CCSER2: variants seen among roughly 807,000 people sequenced by gnomAD.
CCSER2 encodes coiled-coil serine rich protein 2.
Under a neutral mutation model 92.3 loss-of-function variants are expected in CCSER2, and 46 were observed. The ratio of observed to expected loss-of-function variants is 0.50; its 90% CI spans 0.39 to 0.64. The LOEUF (loss-of-function observed/expected upper bound fraction) is 0.64. CCSER2 is among the 30% of genes least tolerant of loss of function. The pLI, the probability that CCSER2 is intolerant of heterozygous loss-of-function variation, is 0.00. For missense variants in CCSER2, 1,244 were observed against 1,238.9 expected, an observed-to-expected ratio of 1.00 and a Z score of -0.06; for synonymous variants, 433 against 431.4, an observed-to-expected ratio of 1.00 and a Z score of -0.04.
chr10:84,423,448 G>C (rs775175040), intron 4 of CCSER2, among the ~76,000 whole-genome samples: 6 of 152,182 alleles, frequency 3.9e-5, no homozygotes, highest in Non-Finnish European at 4.4e-5. Context: ...GAGTCTATAT[G>C]TGGAGCCCAT....
chr10:84,441,618 A>C (rs1005310383), intron 6 of CCSER2, among the ~76,000 whole-genome samples: 5 of 151,562 alleles, frequency 3.3e-5, no homozygotes, highest in Non-Finnish European at 7.4e-5. Context: ...CATTGTGTGG[A>C]TATCAGTGGA....
rs563448325 is a variant in CCSER2, at chr10:84,489,698, G to C, written c.2325+12034G>C. Among the ~76,000 whole-genome samples, 7 of 152,208 alleles carry C rather than the reference G, an allele frequency of 4.6e-5. No individual in the cohort carries two copies. The East Asian group carries it at 9.6e-4, about 21-fold the overall frequency. Reference sequence around the variant, plus strand: ...TGGGTCTTGACTCTTTATCCAATTTGCCAGTCTGTGTCTTTTAATTGGAGC... The same window carrying C: ...TGGGTCTTGACTCTTTATCCAATTTCCCAGTCTGTGTCTTTTAATTGGAGC... On this transcript the variant is annotated intron_variant, in intron 9 of 9. Coordinates refer to ENST00000372088, the MANE Select transcript of CCSER2 (RefSeq NM_001284240.2).
intron 9 of CCSER2, among the ~76,000 whole-genome samples, chr10:84,500,629 A>T (rs1216381955): frequency 6.6e-6 from 1 of 152,210 alleles, no homozygotes; most frequent in Admixed American, 6.5e-5. Flanking sequence ...TTTCCAAAAC[A>T]GTGTGGGTTA....
In CCSER2 at chr10:84,425,828, A is replaced by C. The variant is rs527341764; in HGVS notation, c.1803A>C (p.Gly601=). The change falls in exon 5 of 10, where the codon GGA becomes GGC. Residue 601 remains glycine (G), a synonymous_variant. Transcript: ENST00000372088. ...AAAGGCCACCCCAGAGGTGGAGTGG[A>C]CAGGAGCATTACCACCTCAGCCACC... The part of the protein sequence containing the change: ...FWKRPPQRWS[G]QEHYHLSHPD... 1 of 1,613,162 alleles carries C rather than the reference A, an allele frequency of 6.2e-7. No individual in the cohort carries two copies. Among genetic ancestry groups the C allele is most frequent in the East Asian group, 2.2e-5 (1 of 44,860 alleles).
intron 3 of CCSER2, among the ~76,000 whole-genome samples, chr10:84,392,895 T>A (rs1224432977): frequency 2.6e-5 from 4 of 152,144 alleles, no homozygotes; most frequent in Non-Finnish European, 5.9e-5. Context: ...TAGGCCAATA[T>A]GTTATTTTTT....
At chr10:84,451,911 C>T (rs1845317334) in intron 6 of CCSER2, among the ~76,000 whole-genome samples, 1 of 152,040 alleles carries the variant, frequency 6.6e-6, no homozygotes, top group African/African-American at 2.4e-5. Flanking sequence ...TCAAATGTAG[C>T]TTGAATTAGT....
intron 1 of CCSER2, among the ~76,000 whole-genome samples, chr10:84,356,505 C>CT (rs1554832863): frequency 6.6e-6 from 1 of 152,126 alleles, no homozygotes; most frequent in Non-Finnish European, 1.5e-5. Flanking sequence ...GCGCTATACT[C>CT]TATTTCTTTT....
intron 3 of CCSER2, among the ~76,000 whole-genome samples, chr10:84,386,615 A>T (rs1172652072): frequency 6.6e-6 from 1 of 152,210 alleles, no homozygotes; most frequent in Non-Finnish European, 1.5e-5. Context: ...GCTATTCGGG[A>T]GGCTGAGGCA....
At chr10:84,409,736 A>G (rs1842554536) in intron 3 of CCSER2, among the ~76,000 whole-genome samples, 1 of 152,208 alleles carries the variant, frequency 6.6e-6, no homozygotes, top group Non-Finnish European at 1.5e-5. Context: ...TGTAATGTCA[A>G]CATTTATCAG....
At chr10:84,416,118 C>A (rs12767567) in intron 3 of CCSER2, among the ~76,000 whole-genome samples, 8,865 of 152,218 alleles carry the variant, frequency 0.058, 369 homozygotes, top group Admixed American at 0.1. Flanking sequence ...GTTGCAAAGA[C>A]CTGTGGGAGA....
intron 9 of CCSER2, 76 bp downstream of exon 9, chr10:84,477,740 A>G (rs904355655): frequency 1.8e-5 from 14 of 784,656 alleles, no homozygotes; most frequent in African/African-American, 7.1e-5. Context: ...TTTTACAGCA[A>G]TCTCTAATGA....
intron 9 of CCSER2, among the ~76,000 whole-genome samples, chr10:84,493,956 T>C (rs1474082592): frequency 6.6e-6 from 1 of 152,190 alleles, no homozygotes; most frequent in Non-Finnish European, 1.5e-5. Flanking sequence ...TGGCATTAGA[T>C]TATCATAAGG....
At chr10:84,426,586 C>T (rs1843446154) in intron 5 of CCSER2, among the ~76,000 whole-genome samples, 1 of 152,174 alleles carries the variant, frequency 6.6e-6, no homozygotes. Flanking sequence ...GTCTAGTTTA[C>T]AGTAGGCACT....
intron 1 of CCSER2, among the ~76,000 whole-genome samples, chr10:84,341,915 G>C (rs1465927423): frequency 6.6e-6 from 1 of 152,180 alleles, no homozygotes; most frequent in Non-Finnish European, 1.5e-5. Flanking sequence ...GAGCTTCTCT[G>C]TCCTCTCTGG....
At chr10:84,470,752 A>G (rs1846742809) in intron 8 of CCSER2, among the ~76,000 whole-genome samples, 1 of 152,080 alleles carries the variant, frequency 6.6e-6, no homozygotes, top group South Asian at 2.1e-4. Flanking sequence ...GCTTTTCTTC[A>G]GATATATTTA....
chr10:84,447,347 A>G (rs1844987245), intron 6 of CCSER2, among the ~76,000 whole-genome samples: 1 of 152,230 alleles, frequency 6.6e-6, no homozygotes, highest in Admixed American at 6.5e-5. Context: ...GATTGCTAAT[A>G]AAGTTGAACC....
At chr10:84,473,100 TGAA>T (rs1846917447) in intron 8 of CCSER2, 1 of 152,226 alleles carries the variant, frequency 6.6e-6, no homozygotes, top group Non-Finnish European at 1.5e-5. Context: ...TAAGAAATAT[TGAA>T]GAGCATCCTA....
chr10:84,436,651 AAG>A (rs1491295047), intron 5 of CCSER2, among the ~76,000 whole-genome samples: 7 of 151,676 alleles, frequency 4.6e-5, no homozygotes, highest in African/African-American at 1.5e-4. Flanking sequence ...AAAAAAAAAA[AAG>A]GAAGTCACTA....
chr10:84,452,689 A>G (rs1232316297), intron 6 of CCSER2, among the ~76,000 whole-genome samples: 1 of 152,178 alleles, frequency 6.6e-6, no homozygotes, highest in Non-Finnish European at 1.5e-5. Context: ...TTTATGCAAA[A>G]CACTTGGAAC....
Sources: gnomAD v4.1 joint callset for allele counts (sites outside exome capture counted in the v4.1 genomes callset) on GRCh38, gnomAD v4.1.1 for gene constraint, MANE v1.5 for transcripts, NCBI Gene and HGNC (gene_info 2026-07-23, HGNC 2026-07-21) for gene names.